Variants in ZDHHC20 observed in about 807,000 individuals in gnomAD.
ZDHHC20 encodes the protein zDHHC palmitoyltransferase 20, also known as palmitoyltransferase ZDHHC20.
A neutral mutation model predicts 57.8 loss-of-function variants in ZDHHC20; 43 were observed. The observed-to-expected ratio is 0.74, with a 90% CI of 0.58 to 0.96. The LOEUF is 0.96. Ranked by LOEUF, ZDHHC20 falls within the 40% of genes least tolerant of loss-of-function variation. ZDHHC20 has a pLI of 0.00. For synonymous variants in ZDHHC20, 157 were observed against 153.0 expected, an observed-to-expected ratio of 1.03 and a Z score of -0.19; for missense variants, 391 against 441.1, an observed-to-expected ratio of 0.89 and a Z score of 1.02.
chr13:21,389,918 C>A (rs1210197980), intron 8 of ZDHHC20, among the ~76,000 whole-genome samples: 1 of 152,114 alleles, frequency 6.6e-6, no homozygotes, highest in Non-Finnish European at 1.5e-5. Flanking sequence ...GCCTTTTTAT[C>A]ATTTTCAATT....
intron 11 of ZDHHC20, among the ~76,000 whole-genome samples, chr13:21,379,950 G>T (rs1021062546): frequency 2.0e-5 from 3 of 151,318 alleles, no homozygotes; most frequent in Non-Finnish European, 4.4e-5. Context: ...CGAGTAGCTG[G>T]GACTACAGGC....
At chr13:21,447,506 G>A (rs1433429159) in intron 1 of ZDHHC20, among the ~76,000 whole-genome samples, 1 of 146,728 alleles carries the variant, frequency 6.8e-6, no homozygotes, top group Non-Finnish European at 1.5e-5. Context: ...CCGGTCTCCA[G>A]CCCCTAACCG....
chr13:21,379,509 T>C (rs567880856), intron 11 of ZDHHC20, among the ~76,000 whole-genome samples: 2 of 152,218 alleles, frequency 1.3e-5, no homozygotes, highest in Non-Finnish European at 2.9e-5. Flanking sequence ...CTCAAACTCC[T>C]GAGCTCAAGT....
intron 3 of ZDHHC20, among the ~76,000 whole-genome samples, chr13:21,419,551 C>G (rs964781908): frequency 3.3e-5 from 5 of 152,164 alleles, no homozygotes; most frequent in African/African-American, 1.2e-4. Context: ...TGCAACTATA[C>G]GTAACACAGA....
At chr13:21,456,909 T>C (rs1884975981) in intron 1 of ZDHHC20, among the ~76,000 whole-genome samples, 2 of 152,180 alleles carry the variant, frequency 1.3e-5, no homozygotes, top group African/African-American at 4.8e-5. Flanking sequence ...TTGACCCTCA[T>C]AGCTTACTGA....
chr13:21,449,146 C>T (rs1197748069), intron 1 of ZDHHC20, among the ~76,000 whole-genome samples: 1 of 144,762 alleles, frequency 6.9e-6, no homozygotes, highest in African/African-American at 2.6e-5. Context: ...ATCTGCTGAC[C>T]TTCCCTCCAC....
In ZDHHC20 at chr13:21,375,414, T is replaced by C. The variant is rs1432323894; in HGVS notation, c.*1282A>G. The C allele has an allele frequency of 3.4e-6, 1 of 294,376 alleles. No homozygotes were observed. The highest frequency in any genetic ancestry group is 6.6e-6 in the Non-Finnish European group (1 of 151,024). 18.2% of individuals were successfully genotyped at this position (294,376 alleles called of 1,614,324 possible). On this transcript the variant is annotated 3_prime_UTR_variant, in exon 13 of 13. Coordinates refer to ENST00000400590, the MANE Select transcript of ZDHHC20 (RefSeq NM_001330059.2). ...TGAGGAGTGACATTTCTACATTGTT[T>C]ATTCTGTACTTTTCCTTGGAGTTAA...
Position 21,375,349 on chromosome 13 carries a change from G to C in ZDHHC20, c.*1347C>G, listed in dbSNP as rs1225851751. 1.5e-5 allele frequency: 4 copies of C among 271,262 alleles called. No homozygotes were observed. In the Admixed American group the frequency reaches 1.9e-4, roughly 13 times the overall value. 16.8% of individuals were successfully genotyped at this position (271,262 alleles called of 1,614,324 possible). A position where few individuals can be genotyped will look rare whatever the true frequency, so the allele number is the denominator to read the frequency against. On this transcript the variant is annotated 3_prime_UTR_variant, in exon 13 of 13. Transcript: ENST00000400590. ...GAAGCAATCAATTATTTTGGGGGGGGTGTGTGTGTGTGTGTGTCTGTCTGT... is the reference window on the plus strand; with the variant it reads ...GAAGCAATCAATTATTTTGGGGGGGCTGTGTGTGTGTGTGTGTCTGTCTGT...
chr13:21,444,369 C>A (rs974704676), intron 1 of ZDHHC20, among the ~76,000 whole-genome samples: 5 of 151,934 alleles, frequency 3.3e-5, no homozygotes, highest in Admixed American at 3.3e-4. Context: ...ATGACCCAGG[C>A]CACAGTAAAA....
rs138397786 is a variant in ZDHHC20, at chr13:21,397,908, G to T, written c.594+2465C>A. 6.0e-3 allele frequency among the ~76,000 whole-genome samples: 912 copies of T among 152,208 alleles called. 7 individuals are homozygous for T. Among genetic ancestry groups the T allele is most frequent in the African/African-American group, 0.021 (853 of 41,526 alleles). Reference sequence around the variant, plus strand: ...AAGACAGGAAATTAGGAGATGGAGGGTCTAAACCATGTCTGTGATATTAGG... The same window carrying T: ...AAGACAGGAAATTAGGAGATGGAGGTTCTAAACCATGTCTGTGATATTAGG... On this transcript the variant is annotated intron_variant, in intron 7 of 12. Transcript: ENST00000400590.
At chr13:21,454,746 A>AAG (rs1170350539) in intron 1 of ZDHHC20, among the ~76,000 whole-genome samples, 1 of 152,220 alleles carries the variant, frequency 6.6e-6, no homozygotes, top group African/African-American at 2.4e-5. Flanking sequence ...GATAGTGCTT[A>AAG]AGTTATTTAT....
At chr13:21,398,502 T>C (rs1877158218) in intron 7 of ZDHHC20, among the ~76,000 whole-genome samples, 2 of 149,484 alleles carry the variant, frequency 1.3e-5, no homozygotes, top group South Asian at 4.3e-4. Flanking sequence ...ACAAACAAAA[T>C]AAACAAATAT....
intron 3 of ZDHHC20, among the ~76,000 whole-genome samples, chr13:21,418,214 T>C (rs1880235740): frequency 6.6e-6 from 1 of 152,196 alleles, no homozygotes; most frequent in Non-Finnish European, 1.5e-5. Context: ...TACCAGATGA[T>C]AAGTTCTCTG....
intron 10 of ZDHHC20, chr13:21,381,835 T>A (rs1297236182): frequency 3.6e-6 from 2 of 560,006 alleles, no homozygotes; most frequent in African/African-American, 3.7e-5. Flanking sequence ...AATATGTTAA[T>A]CAGGAGCCAT....
intron 4 of ZDHHC20, among the ~76,000 whole-genome samples, chr13:21,410,049 A>G (rs1422074601): frequency 2.0e-5 from 3 of 151,928 alleles, no homozygotes; most frequent in Non-Finnish European, 1.5e-5. Context: ...CATGTTGGTG[A>G]CCTTCAGATG....
intron 11 of ZDHHC20, among the ~76,000 whole-genome samples, chr13:21,380,277 G>A (rs1042234728): frequency 2.0e-5 from 3 of 150,568 alleles, no homozygotes; most frequent in African/African-American, 7.3e-5. Flanking sequence ...CACCACACCT[G>A]GCTAATTTTT....
intron 5 of ZDHHC20, 147 bp from the exon 6 acceptor site, chr13:21,401,832 T>C: frequency 1.5e-6 from 1 of 675,698 alleles, no homozygotes; most frequent in Non-Finnish European, 2.4e-6. Flanking sequence ...AGATAATTTC[T>C]GATGCTTCCA....
At chr13:21,437,520 G>A (rs1448066203) in intron 1 of ZDHHC20, among the ~76,000 whole-genome samples, 1 of 152,174 alleles carries the variant, frequency 6.6e-6, no homozygotes, top group Non-Finnish European at 1.5e-5. Context: ...AGAATAGGGA[G>A]ACTCTTCTCA....
chr13:21,380,778 G>A (rs1286178229), intron 11 of ZDHHC20, among the ~76,000 whole-genome samples: 4 of 145,176 alleles, frequency 2.8e-5, no homozygotes, highest in Admixed American at 6.8e-5. Context: ...GTGACAGAGC[G>A]AAATTCCATC....
Sources: gnomAD v4.1 joint callset for allele counts (sites outside exome capture counted in the v4.1 genomes callset) on GRCh38, gnomAD v4.1.1 for gene constraint, MANE v1.5 for transcripts, NCBI Gene and HGNC (gene_info 2026-07-23, HGNC 2026-07-21) for gene names.